Variants in HIBADH observed in about 807,000 individuals in gnomAD.
HIBADH encodes the protein 3-hydroxyisobutyrate dehydrogenase.
Under a neutral mutation model 36.1 loss-of-function variants are expected in HIBADH, and 25 were observed. That is an observed-to-expected ratio of 0.69 (90% CI 0.50 to 0.97). HIBADH has a LOEUF of 0.97. HIBADH is among the 50% of genes least tolerant of loss of function. The pLI is 0.00. For synonymous variants in HIBADH, 160 were observed against 149.5 expected (o/e 1.07, Z -0.51); for missense variants, 421 against 418.0 (o/e 1.01, Z -0.06).
At chr7:27,543,770 G>A (rs1023990812) in intron 4 of HIBADH, among the ~76,000 whole-genome samples, 1 of 152,098 alleles carries the variant, frequency 6.6e-6, no homozygotes, top group Non-Finnish European at 1.5e-5. Flanking sequence ...TTAGTGATAT[G>A]AGCAAGAAGA....
At chr7:27,644,662 G>A (rs1479325238) in intron 2 of HIBADH, among the ~76,000 whole-genome samples, 2 of 151,484 alleles carry the variant, frequency 1.3e-5, no homozygotes, top group Admixed American at 6.6e-5. Flanking sequence ...CTACTCGGGA[G>A]GCTGAGGCAG....
chr7:27,662,551 G>A, intron 1 of HIBADH, 147 bp downstream of exon 1: 1 of 438,876 alleles, frequency 2.3e-6, no homozygotes, highest in Non-Finnish European at 4.0e-6. Flanking sequence ...CGCAGAAAAG[G>A]ACAGGCCTTT....
chr7:27,590,317 T>C (rs949402520), intron 4 of HIBADH, among the ~76,000 whole-genome samples: 4 of 152,188 alleles, frequency 2.6e-5, no homozygotes, highest in African/African-American at 4.8e-5. Flanking sequence ...AGAACTCAGA[T>C]CTGAGTTCAG....
intron 4 of HIBADH, among the ~76,000 whole-genome samples, chr7:27,546,258 G>C (rs1218247654): frequency 1.3e-5 from 2 of 151,944 alleles, no homozygotes; most frequent in Non-Finnish European, 2.9e-5. Context: ...ATGTGCCACT[G>C]TGCCTGGCTA....
intron 4 of HIBADH, among the ~76,000 whole-genome samples, chr7:27,589,062 T>C (rs546484810): frequency 2.0e-5 from 3 of 152,306 alleles, no homozygotes; most frequent in African/African-American, 7.2e-5. Context: ...CAGGGACAAA[T>C]AGCTATCCCA....
At chr7:27,628,256 C>T (rs1437571025) in intron 4 of HIBADH, among the ~76,000 whole-genome samples, 4 of 152,022 alleles carry the variant, frequency 2.6e-5, no homozygotes, top group Non-Finnish European at 5.9e-5. Flanking sequence ...TATTCCTCCA[C>T]CTATATTCAA....
chr7:27,558,482 C>T (rs1784424591), intron 4 of HIBADH, among the ~76,000 whole-genome samples: 1 of 152,098 alleles, frequency 6.6e-6, no homozygotes, highest in Non-Finnish European at 1.5e-5. Flanking sequence ...CAGGCATGAC[C>T]ACACCCAGCT....
intron 4 of HIBADH, among the ~76,000 whole-genome samples, chr7:27,556,370 C>T (rs2128186154): frequency 6.6e-6 from 1 of 152,230 alleles, no homozygotes; most frequent in East Asian, 1.9e-4. Flanking sequence ...CAAATAATTT[C>T]CCTCAGTCTG....
intron 4 of HIBADH, among the ~76,000 whole-genome samples, chr7:27,602,214 A>G (rs185258054): frequency 1.3e-5 from 2 of 152,038 alleles, no homozygotes; most frequent in Admixed American, 6.6e-5. Context: ...TGGGGATGCT[A>G]TAAGGATGAA....
intron 4 of HIBADH, among the ~76,000 whole-genome samples, chr7:27,552,458 A>G (rs986058492): frequency 6.6e-5 from 10 of 152,238 alleles, no homozygotes; most frequent in South Asian, 4.2e-4. Context: ...GAAATAAGCA[A>G]TTTTTCATCA....
chr7:27,556,284 T>G (rs1260049266), intron 4 of HIBADH, among the ~76,000 whole-genome samples: 1 of 152,214 alleles, frequency 6.6e-6, no homozygotes, highest in Non-Finnish European at 1.5e-5. Flanking sequence ...CCTATCATGT[T>G]TCTTTACTTT....
In HIBADH at chr7:27,615,533, A is replaced by G. The variant is rs569801353; in HGVS notation, c.484+13838T>C. The stretch of plus-strand genomic sequence containing the variant: ...CATTTCAGTCAATGACAGGCTGCAT[A>G]TACAACACTGGTCCCATGAGATCAT... On this transcript the variant is annotated intron_variant, in intron 4 of 7. Transcript: ENST00000265395. Among the ~76,000 whole-genome samples, 7 of 152,348 alleles carry G rather than the reference A, an allele frequency of 4.6e-5. No homozygotes were observed. The South Asian group carries it at 1.5e-3, about 32-fold the overall frequency.
In HIBADH at chr7:27,654,947, A is replaced by G. The variant is rs1015590392; in HGVS notation, c.92-5314T>C. ...AGCAATCAGTGGGCCTCAGCCTCCT[A>G]AAGTTCTAGGAGCGCAGGCGTGAGC... On this transcript the variant is annotated intron_variant, in intron 1 of 7. Transcript: ENST00000265395. 5.3e-5 allele frequency among the ~76,000 whole-genome samples: 8 copies of G among 152,250 alleles called. 1 individual carries two copies. In the South Asian group the frequency reaches 1.2e-3, roughly 24 times the overall value.
intron 4 of HIBADH, among the ~76,000 whole-genome samples, chr7:27,564,987 C>T (rs1483909585): frequency 6.6e-6 from 1 of 152,046 alleles, no homozygotes. Flanking sequence ...GAGAGACTAC[C>T]CCTCCCAGGG....
intron 4 of HIBADH, among the ~76,000 whole-genome samples, chr7:27,622,083 A>G (rs143743109): frequency 6.6e-6 from 1 of 152,086 alleles, no homozygotes; most frequent in Non-Finnish European, 1.5e-5. Context: ...GTGAGAATCC[A>G]TCTCTACAAA....
chr7:27,573,219 C>A (rs1257363134), intron 4 of HIBADH, among the ~76,000 whole-genome samples: 2 of 152,128 alleles, frequency 1.3e-5, no homozygotes, highest in South Asian at 4.1e-4. Context: ...TTTTCTAATT[C>A]TCAACTTTGA....
chr7:27,584,134 C>T (rs985677540), intron 4 of HIBADH, among the ~76,000 whole-genome samples: 1 of 151,898 alleles, frequency 6.6e-6, no homozygotes, highest in African/African-American at 2.4e-5. Flanking sequence ...TGTGGATATC[C>T]TTCTTTTATA....
intron 1 of HIBADH, among the ~76,000 whole-genome samples, chr7:27,653,156 T>A (rs895500491): frequency 6.6e-6 from 1 of 152,002 alleles, no homozygotes; most frequent in African/African-American, 2.4e-5. Flanking sequence ...GAATTCAACA[T>A]ATAAATTTTG....
intron 2 of HIBADH, among the ~76,000 whole-genome samples, chr7:27,641,345 T>C (rs1291218293): frequency 2.0e-5 from 3 of 152,178 alleles, no homozygotes; most frequent in Admixed American, 6.5e-5. Flanking sequence ...GGGATGGGCT[T>C]GTTTTCTTTG....
Sources: allele counts gnomAD v4.1 joint callset (sites outside exome capture counted in the v4.1 genomes callset), GRCh38; gene constraint gnomAD v4.1.1; transcripts MANE v1.5; gene names NCBI Gene and HGNC (gene_info 2026-07-23, HGNC 2026-07-21).